Variants in TRIM5 observed in about 807,000 individuals in gnomAD.
The protein encoded by TRIM5 is tripartite motif-containing protein 5.
A neutral mutation model predicts 35.6 loss-of-function variants in TRIM5; 31 were observed. That is an observed-to-expected ratio of 0.87 (90% CI 0.65 to 1.18). The LOEUF (loss-of-function observed/expected upper bound fraction) is 1.18, where lower values mean the gene tolerates loss of function less well. Among genes scored for constraint, TRIM5 ranks in the 50% most tolerant of loss-of-function variants. The pLI, the probability that TRIM5 is intolerant of heterozygous loss-of-function variation, is 0.00. For synonymous variants in TRIM5, 243 were observed against 215.6 expected (o/e 1.13, Z -1.11); for missense variants, 609 against 591.6 (o/e 1.03, Z -0.31).
chr11:5,682,179 G>A (rs999166769), intron 1 of TRIM5, among the ~76,000 whole-genome samples: 3 of 152,148 alleles, frequency 2.0e-5, no homozygotes, highest in Admixed American at 6.5e-5. Flanking sequence ...CAAGGCAGGC[G>A]GATCACCTGA....
chr11:5,593,814 G>A, the TRIM5 span, among the ~76,000 whole-genome samples: 1 of 152,158 alleles, frequency 6.6e-6, no homozygotes, highest in Non-Finnish European at 1.5e-5. Context: ...TGAGTATTCA[G>A]GAACTTGGGG....
At chr11:5,675,450 G>A (rs970624666) in intron 4 of TRIM5, among the ~76,000 whole-genome samples, 1 of 152,044 alleles carries the variant, frequency 6.6e-6, no homozygotes, top group African/African-American at 2.4e-5. Context: ...AGGAATGAGG[G>A]AGCAGGGAGG....
the TRIM5 span, among the ~76,000 whole-genome samples, chr11:5,648,524 T>C: frequency 6.6e-6 from 1 of 151,666 alleles, no homozygotes; most frequent in African/African-American, 2.4e-5. Context: ...AATAAATAAA[T>C]AAAATAAAAT....
chr11:5,638,866 G>C, the TRIM5 span, among the ~76,000 whole-genome samples: 22 of 152,282 alleles, frequency 1.4e-4, no homozygotes, highest in African/African-American at 5.3e-4. Flanking sequence ...TGGTTACAGG[G>C]AGAAGGTCAG....
chr11:5,642,737 C>T, the TRIM5 span: 1 of 1,579,702 alleles, frequency 6.3e-7, no homozygotes, highest in Non-Finnish European at 8.6e-7. Flanking sequence ...CTTCCCCTGT[C>T]CCTACTCTAA....
the TRIM5 span, chr11:5,610,434 A>G: frequency 7.5e-6 from 12 of 1,604,286 alleles, no homozygotes; most frequent in Non-Finnish European, 1.0e-5. Context: ...TGACATCCTC[A>G]CAGGATTCCT....
chr11:5,607,715 G>C, the TRIM5 span, among the ~76,000 whole-genome samples: 16,416 of 152,148 alleles, frequency 0.11, 1,490 homozygotes, highest in African/African-American at 0.24. Flanking sequence ...TTTAAATTTG[G>C]TGACTTAAGT....
chr11:5,668,146 A>G (rs1029648236), intron 4 of TRIM5, among the ~76,000 whole-genome samples: 1 of 152,168 alleles, frequency 6.6e-6, no homozygotes, highest in Admixed American at 6.5e-5. Flanking sequence ...TGGTGGCATG[A>G]GCCTGTAGTT....
At chr11:5,600,529 C>T in the TRIM5 span, among the ~76,000 whole-genome samples, 1 of 152,130 alleles carries the variant, frequency 6.6e-6, no homozygotes, top group Non-Finnish European at 1.5e-5. Flanking sequence ...GCTTACATCC[C>T]ATGACTTTTT....
At chr11:5,615,774 G>A in the TRIM5 span, among the ~76,000 whole-genome samples, 3 of 150,676 alleles carry the variant, frequency 2.0e-5, no homozygotes, top group Admixed American at 6.6e-5. Flanking sequence ...TGTATTTTTA[G>A]TAGAGACGGG....
At chr11:5,675,004 G>A (rs978737157) in intron 4 of TRIM5, among the ~76,000 whole-genome samples, 5 of 151,812 alleles carry the variant, frequency 3.3e-5, no homozygotes, top group Admixed American at 1.3e-4. Context: ...ACAATGTATT[G>A]TATTCTTGAA....
At chr11:5,637,539 A>T in the TRIM5 span, among the ~76,000 whole-genome samples, 10 of 152,210 alleles carry the variant, frequency 6.6e-5, no homozygotes, top group Non-Finnish European at 1.5e-4. Flanking sequence ...AATGGTAGGT[A>T]GCTAAATGAG....
chr11:5,603,112 G>T, the TRIM5 span: 2 of 1,423,180 alleles, frequency 1.4e-6, no homozygotes, highest in African/African-American at 1.4e-5. Context: ...GATAAAGAAC[G>T]TATTGGATAT....
the TRIM5 span, chr11:5,603,134 G>T: frequency 6.7e-7 from 1 of 1,495,114 alleles, no homozygotes; most frequent in Non-Finnish European, 8.9e-7. Context: ...AGAATGAGAA[G>T]CCCTTGTTAC....
At chr11:5,644,704 G>A in the TRIM5 span, among the ~76,000 whole-genome samples, 2 of 152,106 alleles carry the variant, frequency 1.3e-5, no homozygotes, top group Non-Finnish European at 2.9e-5. Context: ...GGGGGTGGTG[G>A]TTAGTGCATT....
intron 4 of TRIM5, among the ~76,000 whole-genome samples, chr11:5,675,116 C>A (rs2134084990): frequency 6.6e-6 from 1 of 152,066 alleles, no homozygotes; most frequent in Admixed American, 6.5e-5. Context: ...GCAAGCTCCG[C>A]CTCCCGGGTT....
chr11:5,610,358 A>G, the TRIM5 span: 3 of 1,563,964 alleles, frequency 1.9e-6, no homozygotes, highest in Middle Eastern at 1.7e-4. Context: ...GGGAGGTCCC[A>G]GAGGGAGGGA....
intron 4 of TRIM5, among the ~76,000 whole-genome samples, chr11:5,669,606 A>G (rs1159630830): frequency 6.6e-6 from 1 of 152,192 alleles, no homozygotes; most frequent in Non-Finnish European, 1.5e-5. Flanking sequence ...TGTAACATAA[A>G]CCAAATAAAA....
the TRIM5 span, among the ~76,000 whole-genome samples, chr11:5,647,709 G>C: frequency 2.6e-5 from 4 of 152,166 alleles, no homozygotes; most frequent in South Asian, 4.1e-4. Context: ...TTTTAGTAAA[G>C]AGGGGATTTC....
Sources: gnomAD v4.1 joint callset for allele counts (sites outside exome capture counted in the v4.1 genomes callset) on GRCh38, gnomAD v4.1.1 for gene constraint, MANE v1.5 for transcripts, NCBI Gene and HGNC (gene_info 2026-07-23, HGNC 2026-07-21) for gene names.